Variants in LGR4 observed in about 807,000 individuals in gnomAD.
LGR4 encodes the protein leucine-rich repeat-containing G protein-coupled receptor 4.
A neutral mutation model predicts 84.8 loss-of-function variants in LGR4; 44 were observed. That is an observed-to-expected ratio of 0.52 (90% CI 0.41 to 0.67). LGR4 has a LOEUF of 0.67. LGR4 is among the 30% of genes least tolerant of loss of function. LGR4 has a pLI of 0.00. For synonymous variants in LGR4, 429 were observed against 434.3 expected (o/e 0.99, Z 0.15); for missense variants, 1,032 against 1,131.4 (o/e 0.91, Z 1.26).
intron 13 of LGR4, 30 bp from the exon 14 acceptor site, chr11:27,374,076 TTCAA>T: frequency 1.4e-6 from 2 of 1,455,864 alleles, no homozygotes; most frequent in Non-Finnish European, 9.6e-7. Flanking sequence ...ATGTTAATCT[TTCAA>T]ATAAACACTC....
At chr11:27,436,353 G>GAAAC (rs1864208386) in intron 1 of LGR4, among the ~76,000 whole-genome samples, 1 of 125,018 alleles carries the variant, frequency 8.0e-6, no homozygotes. Context: ...GAGAGAGAAA[G>GAAAC]AAAGAAAGAA....
intron 1 of LGR4, among the ~76,000 whole-genome samples, chr11:27,460,329 ATC>A (rs1213446005): frequency 1.3e-5 from 2 of 152,072 alleles, no homozygotes; most frequent in Admixed American, 1.3e-4. Flanking sequence ...TGATCAATTG[ATC>A]TCTTTCTGTG....
At chr11:27,430,295 A>G (rs1381389253) in intron 1 of LGR4, among the ~76,000 whole-genome samples, 1 of 152,152 alleles carries the variant, frequency 6.6e-6, no homozygotes, top group Non-Finnish European at 1.5e-5. Context: ...GAGTCACTAC[A>G]TGCCAACAAT....
chr11:27,437,954 T>G (rs896221721), intron 1 of LGR4, among the ~76,000 whole-genome samples: 3 of 151,944 alleles, frequency 2.0e-5, no homozygotes, highest in African/African-American at 7.3e-5. Context: ...AGGTTAAGAT[T>G]GCAGTGAGCT....
chr11:27,446,135 A>AT (rs1318048211), intron 1 of LGR4, among the ~76,000 whole-genome samples: 5 of 152,000 alleles, frequency 3.3e-5, no homozygotes, highest in South Asian at 2.1e-4. Context: ...GGGTTGTTTG[A>AT]TTTTTTCTTG....
At chr11:27,410,282 A>C (rs755158943) in intron 2 of LGR4, among the ~76,000 whole-genome samples, 7 of 152,130 alleles carry the variant, frequency 4.6e-5, no homozygotes, top group Admixed American at 1.3e-4. Context: ...AAGAATAAGG[A>C]AATGTGTAAG....
intron 9 of LGR4, 111 bp downstream of exon 9, chr11:27,380,529 G>A: frequency 1.2e-6 from 1 of 849,570 alleles, no homozygotes; most frequent in Non-Finnish European, 1.8e-6. Flanking sequence ...CTGCCCAAGG[G>A]AGAAAAAAAT....
At chr11:27,412,942 T>A (rs1863738905) in intron 1 of LGR4, 82 bp from the exon 2 acceptor site, 1 of 926,084 alleles carries the variant, frequency 1.1e-6, no homozygotes, top group South Asian at 1.4e-5. Context: ...ACTAACTAGG[T>A]GTTACAATTT....
chr11:27,447,690 G>A lies in LGR4; in HGVS notation c.185+24428C>T, dbSNP rs559587315. Reference sequence around the variant, plus strand: ...TCACTCTTATTGAATTCCTTCCTGTGCAAAGCCAAGAATTCCTGTGGTCTC... The same window carrying A: ...TCACTCTTATTGAATTCCTTCCTGTACAAAGCCAAGAATTCCTGTGGTCTC... On this transcript the variant is annotated intron_variant, in intron 1 of 17. Transcript: ENST00000379214. Among the ~76,000 whole-genome samples the A allele has an allele frequency of 5.9e-5, 9 of 152,156 alleles. No homozygotes were observed. In the South Asian group the frequency reaches 1.9e-3, roughly 32 times the overall value.
chr11:27,414,746 C>T (rs544906063), intron 1 of LGR4, among the ~76,000 whole-genome samples: 54 of 146,716 alleles, frequency 3.7e-4, no homozygotes, highest in African/African-American at 1.3e-3. Flanking sequence ...AGAAATGGCA[C>T]CAAAACAGGG....
intron 2 of LGR4, among the ~76,000 whole-genome samples, chr11:27,407,507 A>G (rs1006034749): frequency 1.3e-5 from 2 of 152,144 alleles, no homozygotes; most frequent in Non-Finnish European, 2.9e-5. Context: ...TAGGGGTCTC[A>G]TGAGTATTAA....
At chr11:27,451,230 T>C (rs7945211) in intron 1 of LGR4, among the ~76,000 whole-genome samples, 62,722 of 152,066 alleles carry the variant, frequency 0.41, 15,046 homozygotes, top group Middle Eastern at 0.56. Context: ...CCATTTAGTT[T>C]GGAACCATAA....
intron 1 of LGR4, among the ~76,000 whole-genome samples, chr11:27,439,742 A>C (rs1025416639): frequency 6.6e-6 from 1 of 151,908 alleles, no homozygotes; most frequent in South Asian, 2.1e-4. Context: ...TCTTTTGTCT[A>C]CCTCTCTCTG....
chr11:27,371,519 C>T, intron 17 of LGR4, 96 bp downstream of exon 17: 1 of 828,900 alleles, frequency 1.2e-6, no homozygotes, highest in Non-Finnish European at 2.0e-6. Context: ...AGTACCATCC[C>T]TATTACAGAA....
At chr11:27,440,523 T>C (rs1042534626) in intron 1 of LGR4, among the ~76,000 whole-genome samples, 3 of 152,218 alleles carry the variant, frequency 2.0e-5, no homozygotes, top group Non-Finnish European at 2.9e-5. Flanking sequence ...TGACTTTCAA[T>C]ACAAGTTCAA....
At chr11:27,395,291 T>C (rs576286153) in intron 2 of LGR4, among the ~76,000 whole-genome samples, 2 of 152,262 alleles carry the variant, frequency 1.3e-5, no homozygotes, top group South Asian at 4.1e-4. Flanking sequence ...GTCTCTAATA[T>C]TAGTTGTGAA....
intron 1 of LGR4, among the ~76,000 whole-genome samples, chr11:27,453,523 G>A (rs369770218): frequency 2.2e-4 from 34 of 152,064 alleles, no homozygotes; most frequent in African/African-American, 7.7e-4. Context: ...TATTTTCCTT[G>A]ATGGTATGTA....
chr11:27,377,576 AT>A (rs1000710407), intron 11 of LGR4, among the ~76,000 whole-genome samples: 5 of 151,928 alleles, frequency 3.3e-5, no homozygotes, highest in African/African-American at 7.2e-5. Flanking sequence ...GTAAAGCTAC[AT>A]TTTTTTAAAT....
At position 27,368,977 on chromosome 11, in the gene LGR4, C is replaced by T. The variant is rs372955496; in HGVS notation, c.1746G>A (p.Val582=). 9.3e-6 allele frequency: 15 copies of T among 1,613,894 alleles called. No individual in the cohort carries two copies. The highest frequency in any genetic ancestry group is 1.3e-5 in the Non-Finnish European group (15 of 1,179,968). Residue 582 remains valine (V), a synonymous_variant, in exon 18 of 18, where the codon GTG becomes GTA. Transcript: ENST00000379214. ...TATAGATTCCCATGAATAAGTTAGACACAGAAATCAAGCCTATAAACAATT... is the reference window on the plus strand; with the variant it reads ...TATAGATTCCCATGAATAAGTTAGATACAGAAATCAAGCCTATAAACAATT... ...SSKLFIGLIS[V]SNLFMGIYTG...
Sources: gnomAD v4.1 joint callset for allele counts (sites outside exome capture counted in the v4.1 genomes callset) on GRCh38, gnomAD v4.1.1 for gene constraint, MANE v1.5 for transcripts, NCBI Gene and HGNC (gene_info 2026-07-23, HGNC 2026-07-21) for gene names.